The following SH2B2 variants were observed in gnomAD, a reference collection of about 807,000 sequenced individuals.
The protein encoded by SH2B2 is SH2B adapter protein 2.
SH2B2 carries 37 observed loss-of-function variants against 35.7 expected under a neutral mutation model. The ratio of observed to expected loss-of-function variants is 1.04; its 90% CI spans 0.80 to 1.36. The LOEUF (loss-of-function observed/expected upper bound fraction) is 1.36, where lower values mean the gene tolerates loss of function less well. Among genes scored for constraint, SH2B2 ranks in the 40% most tolerant of loss-of-function variants. SH2B2 has a pLI of 0.00. For missense variants in SH2B2, 852 were observed against 817.7 expected, an observed-to-expected ratio of 1.04 and a Z score of -0.51; for synonymous variants, 383 against 376.4, an observed-to-expected ratio of 1.02 and a Z score of -0.20.
At chr7:102,315,197 A>C (rs1554556729) in intron 6 of SH2B2, among the ~76,000 whole-genome samples, 1 of 149,328 alleles carries the variant, frequency 6.7e-6, no homozygotes, top group Non-Finnish European at 1.5e-5. Flanking sequence ...TCAAAAAAAA[A>C]AGAAAGAAAA....
chr7:102,307,833 C>T (rs1421418107), intron 3 of SH2B2, among the ~76,000 whole-genome samples: 5 of 151,738 alleles, frequency 3.3e-5, no homozygotes, highest in East Asian at 1.9e-4. Context: ...TGCAATGGCG[C>T]GATCTCGGCT....
chr7:102,306,861 C>G, intron 3 of SH2B2, 39 bp downstream of exon 3: 1 of 1,458,428 alleles, frequency 6.9e-7, no homozygotes, highest in Non-Finnish European at 9.4e-7. Flanking sequence ...CCTCCAGCTG[C>G]CCCAGGCCAC....
chr7:102,320,984 T>C (rs1439571962), intron 8 of SH2B2, among the ~76,000 whole-genome samples: 2 of 145,266 alleles, frequency 1.4e-5, no homozygotes, highest in African/African-American at 5.7e-5. Context: ...TGTGCGCATA[T>C]GCATGAGCGT....
intron 4 of SH2B2, among the ~76,000 whole-genome samples, chr7:102,313,219 G>T (rs1331777404): frequency 6.6e-6 from 1 of 151,466 alleles, no homozygotes; most frequent in Non-Finnish European, 1.5e-5. Flanking sequence ...GGCCAAGGCG[G>T]GCAGATCACC....
intron 2 of SH2B2, among the ~76,000 whole-genome samples, chr7:102,304,860 C>A (rs1296735949): frequency 6.6e-6 from 1 of 152,248 alleles, no homozygotes; most frequent in African/African-American, 2.4e-5. Flanking sequence ...TGGACAGGGG[C>A]CAGTTCTTCC....
chr7:102,287,633 T>C (rs1445054383), intron 1 of SH2B2, among the ~76,000 whole-genome samples: 1 of 152,120 alleles, frequency 6.6e-6, no homozygotes, highest in Non-Finnish European at 1.5e-5. Flanking sequence ...GAGCCCCCGA[T>C]TGCCGGGAGG....
Position 102,297,127 on chromosome 7 carries a change from CA to C in SH2B2, c.-29-3394del, listed in dbSNP as rs1467003394. On this transcript the variant is annotated intron_variant, in intron 1 of 8. Transcript: ENST00000444095. The surrounding 1 kb of genome is among the most constrained non-coding windows in gnomAD (Gnocchi z 4.3). ...ACAAATACAAATGTAAATTGCAGGC[CA>C]GTCTGAGTAGCAGGATGAAGTCTCA... 4.0e-4 allele frequency among the ~76,000 whole-genome samples: 61 copies of C among 152,128 alleles called. No homozygotes were observed. Among genetic ancestry groups the C allele is most frequent in the African/African-American group, 1.4e-3 (60 of 41,496 alleles).
intron 6 of SH2B2, 137 bp from the exon 7 acceptor site, chr7:102,317,050 C>T (rs1793859898): frequency 1.3e-6 from 1 of 761,758 alleles, no homozygotes; most frequent in Non-Finnish European, 2.0e-6. Flanking sequence ...TAAAAACCAA[C>T]CAACTTTTTA....
intron 2 of SH2B2, among the ~76,000 whole-genome samples, chr7:102,302,102 TC>T (rs1554554054): frequency 6.6e-6 from 1 of 152,170 alleles, no homozygotes; most frequent in African/African-American, 2.4e-5. Flanking sequence ...CAAGAGATCC[TC>T]CCCCACCTTG....
intron 1 of SH2B2, among the ~76,000 whole-genome samples, chr7:102,288,852 A>G (rs1792560596): frequency 6.6e-6 from 1 of 152,026 alleles, no homozygotes; most frequent in Non-Finnish European, 1.5e-5. Context: ...CCTCCCAACC[A>G]CTCCTCTCTG....
At chr7:102,312,365 ACT>A (rs1455416203) in intron 4 of SH2B2, among the ~76,000 whole-genome samples, 4 of 152,130 alleles carry the variant, frequency 2.6e-5, no homozygotes, top group East Asian at 1.9e-4. Flanking sequence ...ACAGAGGGAG[ACT>A]CTGTCTCAAA....
In SH2B2 at chr7:102,317,342, G is replaced by A. The variant is rs782076378; in HGVS notation, c.1342G>A (p.Glu448Lys). The change falls in exon 7 of 9, where the codon GAG becomes AAG. Residue 448 changes from glutamate (E) to lysine (K), a missense_variant. Glu to Lys is a moderately conservative substitution (Grantham distance 56, BLOSUM62 1). Transcript: ENST00000444095. ...NHGLFVIRQSETRPGEYVLTF... is the reference protein window; with the variant it reads ...NHGLFVIRQSKTRPGEYVLTF... Reference sequence around the variant, plus strand: ...CGGCCTCTTCGTGATCCGCCAAAGTGAGACTCGGCCTGGGGAGTACGTGCT... The same window carrying A: ...CGGCCTCTTCGTGATCCGCCAAAGTAAGACTCGGCCTGGGGAGTACGTGCT... The A allele has an allele frequency of 6.2e-7, 1 of 1,611,384 alleles. No homozygotes were observed. Among genetic ancestry groups the A allele is most frequent in the South Asian group, 1.1e-5 (1 of 90,920 alleles).
At chr7:102,285,836 CT>C (rs1792423275), upstream of SH2B2, among the ~76,000 whole-genome samples, 1 of 152,008 alleles carries the variant, frequency 6.6e-6, no homozygotes, top group African/African-American at 2.4e-5. Context: ...GGGTCCCCCC[CT>C]GCTATCTCCA....
At position 102,299,197 on chromosome 7, in the gene SH2B2, C is replaced by CTTTTTTTTTTTTTTTTTT. The variant is rs71123035; in HGVS notation, c.-29-1323_-29-1306dup. Among the ~76,000 whole-genome samples the CTTTTTTTTTTTTTTTTTT allele has an allele frequency of 1.9e-3, 47 of 24,634 alleles. 9 individuals carry two copies. The highest frequency in any genetic ancestry group is 8.7e-3 in the East Asian group (7 of 802). 16.2% of individuals were successfully genotyped at this position (24,634 alleles called of 152,430 possible). A position where few individuals can be genotyped will look rare whatever the true frequency, so the allele number is the denominator to read the frequency against. ...TACAGGCATGAGCCACCGCGCCTGG[C>CTTTTTTTTTTTTTTTTTT]TTTTTTTTTTTTTTTTTTTGAGGTG... is the stretch of plus-strand genomic sequence containing the variant. On this transcript the variant is annotated intron_variant, in intron 1 of 8. Coordinates refer to ENST00000444095, the MANE Select transcript of SH2B2 (RefSeq NM_001359228.2).
intron 7 of SH2B2, among the ~76,000 whole-genome samples, chr7:102,318,354 G>T (rs1371291098): frequency 6.6e-6 from 1 of 152,144 alleles, no homozygotes; most frequent in Admixed American, 6.5e-5. Context: ...GGCCAGGCTG[G>T]TCTCAAACTC....
chr7:102,302,475 G>A (rs1793230778), intron 2 of SH2B2, among the ~76,000 whole-genome samples: 1 of 152,246 alleles, frequency 6.6e-6, no homozygotes, highest in Non-Finnish European at 1.5e-5. Flanking sequence ...CCCTCTTAGG[G>A]GCTGGCCATC....
At chr7:102,315,702 A>G (rs899448329) in intron 6 of SH2B2, among the ~76,000 whole-genome samples, 3 of 138,480 alleles carry the variant, frequency 2.2e-5, no homozygotes, top group Admixed American at 8.3e-5. Context: ...TGATCACACC[A>G]TTGCACTCCA....
chr7:102,296,330 G>A (rs1033122141), intron 1 of SH2B2, among the ~76,000 whole-genome samples: 6 of 152,214 alleles, frequency 3.9e-5, no homozygotes, highest in Non-Finnish European at 8.8e-5. Context: ...CAGGAGCTGC[G>A]AGGGAGGGGC....
intron 1 of SH2B2, among the ~76,000 whole-genome samples, chr7:102,290,098 C>T (rs969932820): frequency 5.3e-5 from 8 of 150,590 alleles, no homozygotes; most frequent in African/African-American, 1.5e-4. Context: ...CCCACCCAGC[C>T]GCTCAGAGTG....
Sources: gnomAD v4.1 joint callset for allele counts (sites outside exome capture counted in the v4.1 genomes callset) on GRCh38, gnomAD v4.1.1 for gene constraint, Gnocchi (gnomAD v3.1) non-coding constraint, MANE v1.5 for transcripts, NCBI Gene and HGNC (gene_info 2026-07-23, HGNC 2026-07-21) for gene names.